NPY1R: variants seen among roughly 807,000 people sequenced by gnomAD.
NPY1R encodes the protein neuropeptide Y receptor Y1.
Under a neutral mutation model 24.1 loss-of-function variants are expected in NPY1R, and 10 were observed. That is an observed-to-expected ratio of 0.42 (90% CI 0.26 to 0.71). The LOEUF is 0.71. Among genes scored for constraint, NPY1R ranks in the 30% least tolerant of loss-of-function variants. The probability of loss-of-function intolerance (pLI) is 0.28; values close to 1 mark genes in which losing one functional copy is unlikely to be tolerated. For synonymous variants in NPY1R, 168 were observed against 165.9 expected (o/e 1.01, Z -0.10); for missense variants, 350 against 458.0 (o/e 0.76, Z 2.15).
chr4:163,330,720 C>A (rs1043014944), intron 1 of NPY1R: 1 of 152,210 alleles, frequency 6.6e-6, no homozygotes, highest in Non-Finnish European at 1.5e-5. Context: ...GGCAAATTAG[C>A]CCCCTTGCAG....
At chr4:163,340,177 A>T (rs1389144436) in intron 1 of NPY1R, among the ~76,000 whole-genome samples, 2 of 152,096 alleles carry the variant, frequency 1.3e-5, no homozygotes, top group Non-Finnish European at 2.9e-5. Context: ...AAACATTTTT[A>T]AAAATATTAC....
chr4:163,325,425 C>T lies in NPY1R; in HGVS notation c.1033G>A (p.Asp345Asn). Residue 345 changes from aspartate (D) to asparagine (N), a missense_variant, in exon 3 of 3, where the codon GAT (aspartate) becomes AAT (asparagine). Transcript: ENST00000296533. ...FNFCDFRSRD[D>N]DYETIAMSTM... Reference sequence around the variant, plus strand: ...GACATGGCTATTGTTTCATAATCATCATCCCGAGACCGGAAATCACAAAAG... The same window carrying T: ...GACATGGCTATTGTTTCATAATCATTATCCCGAGACCGGAAATCACAAAAG... 1 of 1,614,088 alleles carries T rather than the reference C, an allele frequency of 6.2e-7. No individual in the cohort carries two copies. The highest frequency in any genetic ancestry group is 8.5e-7 in the Non-Finnish European group (1 of 1,180,000).
At chr4:163,336,674 A>T (rs1247134279), upstream of NPY1R, among the ~76,000 whole-genome samples, 1 of 152,214 alleles carries the variant, frequency 6.6e-6, no homozygotes, top group African/African-American at 2.4e-5. Flanking sequence ...TAAAGAAAGG[A>T]GAAAGACTGG....
chr4:163,335,320 T>G (rs1734817662), upstream of NPY1R, among the ~76,000 whole-genome samples: 1 of 152,198 alleles, frequency 6.6e-6, no homozygotes, highest in African/African-American at 2.4e-5. Flanking sequence ...TGATATAAAC[T>G]GAGGGATAGG....
intron 1 of NPY1R, among the ~76,000 whole-genome samples, chr4:163,328,975 G>A (rs972136430): frequency 6.6e-6 from 1 of 152,154 alleles, no homozygotes; most frequent in African/African-American, 2.4e-5. Flanking sequence ...GGAATAGTAG[G>A]TTCTTGGGTA....
In NPY1R at chr4:163,325,449, A is replaced by C. The variant is rs147097355; in HGVS notation, c.1009T>G (p.Phe337Val). 1 of 1,614,164 alleles carries C rather than the reference A, an allele frequency of 6.2e-7. No homozygotes were observed. The highest frequency in any genetic ancestry group is 8.5e-7 in the Non-Finnish European group (1 of 1,179,996). Residue 337 changes from phenylalanine (F) to valine (V), a missense_variant, in exon 3 of 3, where the codon TTT (phenylalanine) becomes GTT (valine). Transcript: ENST00000296533. Reference sequence around the variant, plus strand: ...TCATCCCGAGACCGGAAATCACAAAAGTTGAAGAAGAACTGCAAGTCTCTC... The same window carrying C: ...TCATCCCGAGACCGGAAATCACAAACGTTGAAGAAGAACTGCAAGTCTCTC... ...FQRDLQFFFN[F>V]CDFRSRDDDY...
intron 1 of NPY1R, among the ~76,000 whole-genome samples, chr4:163,328,958 C>T (rs1191117187): frequency 6.6e-6 from 1 of 152,168 alleles, no homozygotes; most frequent in Non-Finnish European, 1.5e-5. Context: ...ATAACTGATG[C>T]ATGGTTGGAA....
At chr4:163,331,290 G>C (rs544888505) in intron 1 of NPY1R, 1 of 152,378 alleles carries the variant, frequency 6.6e-6, no homozygotes, top group East Asian at 1.9e-4. Context: ...GTGTGAGTGT[G>C]AGTGTGTGTA....
chr4:163,335,876 A>G (rs1734830085), upstream of NPY1R, among the ~76,000 whole-genome samples: 1 of 152,188 alleles, frequency 6.6e-6, no homozygotes, highest in Admixed American at 6.5e-5. Flanking sequence ...AAAATATTAA[A>G]ATGCTTTTTA....
rs141250862 is a variant in NPY1R at position 163,332,283 on chromosome 4, T to G, written c.-152+199A>C. The stretch of plus-strand genomic sequence containing the variant: ...GTACCCTCTCCTTTCACCCGCGTCG[T>G]CCCCATACCCTTCGGCAGGAGCCCG... On this transcript the variant is annotated intron_variant, in intron 1 of 2. Coordinates refer to ENST00000296533, the MANE Select transcript of NPY1R (RefSeq NM_000909.6). Among the ~76,000 whole-genome samples, 1,122 of 152,080 alleles carry G rather than the reference T, an allele frequency of 7.4e-3. 17 individuals carry two copies. The highest frequency in any genetic ancestry group is 0.025 in the African/African-American group (1,057 of 41,474).
intron 1 of NPY1R, among the ~76,000 whole-genome samples, chr4:163,327,445 A>G (rs1377450030): frequency 1.3e-5 from 2 of 152,178 alleles, no homozygotes; most frequent in African/African-American, 4.8e-5. Context: ...TATTTTTTTA[A>G]TCACATCATT....
At chr4:163,333,432 A>G (rs1399088732), upstream of NPY1R, among the ~76,000 whole-genome samples, 1 of 152,106 alleles carries the variant, frequency 6.6e-6, no homozygotes, top group Non-Finnish European at 1.5e-5. Context: ...ACCTGATTCT[A>G]TTCTAGTTTC....
At chr4:163,340,395 T>A (rs931332646) in intron 1 of NPY1R, among the ~76,000 whole-genome samples, 3 of 151,912 alleles carry the variant, frequency 2.0e-5, no homozygotes, top group Non-Finnish European at 4.4e-5. Context: ...CAGCCATAAC[T>A]TTTTGAAATG....
At chr4:163,337,846 C>A (rs1734880206), upstream of NPY1R, among the ~76,000 whole-genome samples, 1 of 152,158 alleles carries the variant, frequency 6.6e-6, no homozygotes, top group South Asian at 2.1e-4. Flanking sequence ...TCTTTCCTGG[C>A]AAGCTTCTTT....
rs1385398451 is a variant in NPY1R, at chr4:163,325,308, T to A, written c.1150A>T (p.Ile384Phe). 6.2e-7 allele frequency: 1 copy of A among 1,605,474 alleles called. No homozygotes were observed. The highest frequency in any genetic ancestry group is 1.1e-5 in the South Asian group (1 of 89,596). Residue 384 changes from isoleucine to phenylalanine, a missense_variant, in exon 3 of 3, where the codon ATC becomes TTC. Physicochemically the swap from Ile to Phe is conservative, Grantham distance 21. Transcript: ENST00000296533. ...ACCATAGGCTATAAGTAGTTTCAGATTTTTTCATTATCATCATTGTTGTTG... is the reference window on the plus strand; with the variant it reads ...ACCATAGGCTATAAGTAGTTTCAGAATTTTTCATTATCATCATTGTTGTTG... ...KINNNDDNEK[I>F]
intron 1 of NPY1R, among the ~76,000 whole-genome samples, chr4:163,342,738 T>G (rs1374227325): frequency 1.5e-4 from 23 of 152,252 alleles, no homozygotes. Context: ...TCTGTAACAG[T>G]GATGTCTGCC....
chr4:163,326,330 G>C lies in NPY1R; in HGVS notation c.225C>G (p.Thr75=). 1 of 1,613,970 alleles carries C rather than the reference G, an allele frequency of 6.2e-7. No homozygotes were observed. The highest frequency in any genetic ancestry group is 8.5e-7 in the Non-Finnish European group (1 of 1,179,880). Residue 75 remains threonine (T), a synonymous_variant, in exon 2 of 3, where the codon ACC becomes ACG. Coordinates refer to ENST00000296533, the MANE Select transcript of NPY1R (RefSeq NM_000909.6). ...AGGAAAGGTTCACAATCAGGATGTT[G>C]GTAACATTTCTCATCTCCTTTTGTT... ...ILKQKEMRNV[T]NILIVNLSFS...
Position 163,325,755 on chromosome 4 carries a change from A to G in NPY1R, c.703T>C (p.Tyr235His), listed in dbSNP as rs1369503769. Reference protein sequence around the residue: ...CFIFICYFKIYIRLKRRNNMM... With the variant: ...CFIFICYFKIHIRLKRRNNMM... ...TTGTTTCTCCTTTTTAGGCGTATATATATCTATGGAAGAAAAAAGTTTAAA... is the reference window on the plus strand; with the variant it reads ...TTGTTTCTCCTTTTTAGGCGTATATGTATCTATGGAAGAAAAAAGTTTAAA... The change falls in exon 3 of 3, where the codon TAT (tyrosine) becomes CAT (histidine). Residue 235 changes from tyrosine to histidine, a missense_variant. Tyr to His is a moderately conservative substitution (Grantham distance 83). Transcript: ENST00000296533. The G allele has an allele frequency of 6.3e-7, 1 of 1,581,190 alleles. No homozygotes were observed. The highest frequency in any genetic ancestry group is 2.2e-5 in the East Asian group (1 of 44,750).
upstream of NPY1R, among the ~76,000 whole-genome samples, chr4:163,334,601 C>G (rs1734796131): frequency 6.6e-6 from 1 of 152,136 alleles, no homozygotes. Flanking sequence ...GTGGCTCACG[C>G]CTGTAATCCC....
Sources: allele counts gnomAD v4.1 joint callset (sites outside exome capture counted in the v4.1 genomes callset), GRCh38; gene constraint gnomAD v4.1.1; transcripts MANE v1.5; gene names NCBI Gene and HGNC (gene_info 2026-07-23, HGNC 2026-07-21).